COL26A1: variants seen among roughly 807,000 people sequenced by gnomAD.
COL26A1 encodes the protein collagen alpha-1(XXVI) chain.
In COL26A1, 41 loss-of-function variants were observed where a neutral mutation model predicts 59.3. That is an observed-to-expected ratio of 0.69 (90% confidence interval 0.54 to 0.90). COL26A1 has a LOEUF of 0.90. Ranked by LOEUF, COL26A1 falls within the 40% of genes least tolerant of loss-of-function variation. COL26A1 has a pLI of 0.00. For missense variants in COL26A1, 612 were observed against 602.3 expected (o/e 1.02, Z -0.17); for synonymous variants, 266 against 256.0 (o/e 1.04, Z -0.37).
At chr7:101,534,818 ACT>A (rs1795448228) in intron 4 of COL26A1, among the ~76,000 whole-genome samples, 1 of 149,486 alleles carries the variant, frequency 6.7e-6, no homozygotes, top group South Asian at 2.1e-4. Flanking sequence ...CAGCTGGGTG[ACT>A]CTCTCAGAGC....
intron 3 of COL26A1, among the ~76,000 whole-genome samples, chr7:101,448,671 AT>A (rs1247122388): frequency 6.6e-6 from 1 of 151,618 alleles, no homozygotes. Context: ...TTTTTGTATG[AT>A]TTTTAGAGAC....
intron 3 of COL26A1, among the ~76,000 whole-genome samples, chr7:101,501,217 G>GAAAAAAAAAAAAAAAA (rs111556828): frequency 1.8e-5 from 2 of 113,042 alleles, no homozygotes; most frequent in African/African-American, 3.4e-5. Flanking sequence ...GAAAAGAAAA[G>GAAAAAAAAAAAAAAAA]AAAAAAAAAA....
chr7:101,556,427 G>C (rs1027356412), intron 12 of COL26A1, among the ~76,000 whole-genome samples: 1 of 152,200 alleles, frequency 6.6e-6, no homozygotes, highest in African/African-American at 2.4e-5. Context: ...GGGTGAGTGA[G>C]TGAGTGAACG....
At chr7:101,509,047 C>T (rs1794868464) in intron 3 of COL26A1, among the ~76,000 whole-genome samples, 1 of 152,100 alleles carries the variant, frequency 6.6e-6, no homozygotes, top group African/African-American at 2.4e-5. Context: ...TCTGGTGAGG[C>T]CTCAGGAAGC....
intron 3 of COL26A1, among the ~76,000 whole-genome samples, chr7:101,526,170 T>C (rs908088434): frequency 3.3e-5 from 5 of 152,062 alleles, no homozygotes; most frequent in African/African-American, 1.2e-4. Context: ...TGCTTCAGCC[T>C]CCCGAGTAGT....
intron 3 of COL26A1, among the ~76,000 whole-genome samples, chr7:101,498,176 G>A (rs866746474): frequency 1.3e-5 from 2 of 152,160 alleles, no homozygotes; most frequent in Admixed American, 6.5e-5. Flanking sequence ...CTCTCTCCCC[G>A]GATTTCTCAG....
chr7:101,545,520 G>A, intron 7 of COL26A1, 30 bp downstream of exon 7: 1 of 1,582,790 alleles, frequency 6.3e-7, no homozygotes, highest in African/African-American at 1.4e-5. Flanking sequence ...GGCCAAGGGA[G>A]GGCTGAGCTA....
intron 5 of COL26A1, among the ~76,000 whole-genome samples, chr7:101,542,307 C>T (rs564694243): frequency 2.0e-5 from 3 of 152,066 alleles, no homozygotes; most frequent in Admixed American, 6.5e-5. Context: ...TTCACCATGT[C>T]GGCCAGGCTG....
rs1433814668 is a variant in COL26A1 at position 101,551,109 on chromosome 7, G to T, written c.995G>T (p.Gly332Val). Residue 332 changes from glycine (G) to valine (V), a missense_variant and splice_region_variant, in exon 10 of 13, where the codon GGC becomes GTC. Transcript: ENST00000313669. The stretch of plus-strand genomic sequence containing the variant: ...CACGCTTCCTTTGGTTTTCTGCAGG[G>T]CCTGGCTGGAGAGCGAGGCACAGTG... ...PGPPGTPGSQ[G>V]LAGERGTVGP... 1.9e-6 allele frequency: 3 copies of T among 1,557,264 alleles called. No homozygotes were observed. Among genetic ancestry groups the T allele is most frequent in the African/African-American group, 2.7e-5 (2 of 73,434 alleles).
At chr7:101,417,408 G>T (rs1792396057) in intron 1 of COL26A1, among the ~76,000 whole-genome samples, 2 of 144,892 alleles carry the variant, frequency 1.4e-5, no homozygotes, top group Admixed American at 7.0e-5. Context: ...CATCCCCCAA[G>T]ACTGAAAGGT....
chr7:101,440,582 C>T (rs1224192686), intron 2 of COL26A1, among the ~76,000 whole-genome samples: 1 of 152,156 alleles, frequency 6.6e-6, no homozygotes, highest in African/African-American at 2.4e-5. Context: ...GACACAGTGC[C>T]ACCTACTGGT....
chr7:101,383,421 C>A (rs546278578), intron 1 of COL26A1, among the ~76,000 whole-genome samples: 1 of 151,998 alleles, frequency 6.6e-6, no homozygotes, highest in African/African-American at 2.4e-5. Flanking sequence ...GGCTGGAGTA[C>A]AATGGCACGA....
chr7:101,446,125 T>C (rs1175402514), intron 2 of COL26A1, among the ~76,000 whole-genome samples: 18 of 150,104 alleles, frequency 1.2e-4, no homozygotes, highest in Non-Finnish European at 2.4e-4. Context: ...TCACGTGAAC[T>C]GAGAGCCAGA....
At chr7:101,504,643 C>G (rs1794768903) in intron 3 of COL26A1, among the ~76,000 whole-genome samples, 1 of 152,192 alleles carries the variant, frequency 6.6e-6, no homozygotes, top group Admixed American at 6.5e-5. Flanking sequence ...TCTCATTGGT[C>G]CTTCTCCAGG....
At chr7:101,529,101 G>C (rs1406223646) in intron 3 of COL26A1, among the ~76,000 whole-genome samples, 1 of 152,024 alleles carries the variant, frequency 6.6e-6, no homozygotes, top group Non-Finnish European at 1.5e-5. Flanking sequence ...CGGTGGCAAA[G>C]GTTACAGTGA....
chr7:101,557,310 A>T, intron 12 of COL26A1, 60 bp from the exon 13 acceptor site: 1 of 1,529,966 alleles, frequency 6.5e-7, no homozygotes, highest in South Asian at 1.3e-5. Flanking sequence ...TCATGATCAA[A>T]TGTACCCCCA....
intron 3 of COL26A1, among the ~76,000 whole-genome samples, chr7:101,469,288 G>A (rs1184299077): frequency 6.6e-6 from 1 of 152,086 alleles, no homozygotes; most frequent in East Asian, 1.9e-4. Context: ...AATGGAGACT[G>A]CTGTGGTTTT....
intron 1 of COL26A1, among the ~76,000 whole-genome samples, chr7:101,369,962 A>G (rs1206288581): frequency 6.6e-6 from 1 of 152,086 alleles, no homozygotes. Context: ...TCCCAGGTTC[A>G]AGCGATTCTC....
chr7:101,437,287 G>A (rs1792938273), intron 2 of COL26A1, among the ~76,000 whole-genome samples: 1 of 152,098 alleles, frequency 6.6e-6, no homozygotes, highest in Admixed American at 6.6e-5. Context: ...CTTCTAAGAG[G>A]AGGCAGCACT....
Sources: gnomAD v4.1 joint callset for allele counts (sites outside exome capture counted in the v4.1 genomes callset) on GRCh38, gnomAD v4.1.1 for gene constraint, MANE v1.5 for transcripts, NCBI Gene and HGNC (gene_info 2026-07-23, HGNC 2026-07-21) for gene names.